The following ZSWIM9 variants were observed in gnomAD, a reference collection of about 807,000 sequenced individuals.
The protein encoded by ZSWIM9 is uncharacterized protein ZSWIM9.
ZSWIM9 carries 11 observed loss-of-function variants against 25.0 expected under a neutral mutation model. That is an observed-to-expected ratio of 0.44 (90% CI 0.28 to 0.73). The LOEUF is 0.73. Ranked by LOEUF, ZSWIM9 falls within the 30% of genes least tolerant of loss-of-function variation. The pLI, the probability that ZSWIM9 is intolerant of heterozygous loss-of-function variation, is 0.16. For missense variants in ZSWIM9, 1,070 were observed against 1,296.5 expected (o/e 0.83, Z 2.68); for synonymous variants, 562 against 582.1 (o/e 0.97, Z 0.50).
intron 3 of ZSWIM9, among the ~76,000 whole-genome samples, chr19:48,185,137 CTTT>C (rs34561252): frequency 5.5e-4 from 68 of 124,286 alleles, no homozygotes; most frequent in Middle Eastern, 4.2e-3. Flanking sequence ...TGCTTTCATA[CTTT>C]TTTTTTTTTT....
chr19:48,183,698 G>A (rs2036979576), intron 3 of ZSWIM9, among the ~76,000 whole-genome samples: 1 of 149,876 alleles, frequency 6.7e-6, no homozygotes, highest in Admixed American at 6.7e-5. Context: ...GTGCAGTGGT[G>A]CAGTCATGGC....
rs2037183967 is a variant in ZSWIM9 at position 48,197,536 on chromosome 19, T to TG, written c.*714dup. The TG allele has an allele frequency of 6.6e-6, 3 of 456,428 alleles. No homozygotes were observed. In the East Asian group the frequency reaches 1.2e-4, roughly 18 times the overall value. The allele number at this position is 456,428 out of a possible 1,614,324, so 28.3% of individuals were successfully genotyped here. On this transcript the variant is annotated 3_prime_UTR_variant, in exon 4 of 4. Coordinates refer to ENST00000614654, the MANE Select transcript of ZSWIM9 (RefSeq NM_199341.4). The stretch of plus-strand genomic sequence containing the variant: ...CTGAAGAGAGAGGGAGGGCGGGCAC[T>TG]GGGGGTCAGGAGAGTCTCCAGCAGG...
rs1568579353 is a variant in ZSWIM9, at chr19:48,187,432, T to TATATTATATATTA, written c.588+4667_588+4668insATTATATATTAAT. Among the ~76,000 whole-genome samples, 252 of 88,218 alleles carry TATATTATATATTA rather than the reference T, an allele frequency of 2.9e-3. 1 individual carries two copies. The highest frequency in any genetic ancestry group is 5.1e-3 in the Middle Eastern group (1 of 196). 57.9% of individuals were successfully genotyped at this position (88,218 alleles called of 152,430 possible). A position where few individuals can be genotyped will look rare whatever the true frequency, so the allele number is the denominator to read the frequency against. ...TATATTATAATTATATATTATATTATATTATATATATTATATATTATATAT... is the reference window on the plus strand; with the variant it reads ...TATATTATAATTATATATTATATTATATATTATATATTAATTATATATATTATATATTATATAT... On this transcript the variant is annotated intron_variant, in intron 3 of 3. Coordinates refer to ENST00000614654, the MANE Select transcript of ZSWIM9 (RefSeq NM_199341.4).
At position 48,197,237 on chromosome 19, in the gene ZSWIM9, G is replaced by C; in HGVS notation, c.*410G>C. The C allele has an allele frequency of 1.4e-6, 1 of 702,530 alleles. No homozygotes were observed. The highest frequency in any genetic ancestry group is 2.6e-6 in the Non-Finnish European group (1 of 384,854). 43.5% of individuals were successfully genotyped at this position (702,530 alleles called of 1,614,324 possible). On this transcript the variant is annotated 3_prime_UTR_variant, in exon 4 of 4. Coordinates refer to ENST00000614654, the MANE Select transcript of ZSWIM9 (RefSeq NM_199341.4). ...GAGTGCAGCGGGGAGAGGGGAAAGG[G>C]AGAAAGTACAGAAGACAGATGAAGG...
rs1188122098 is a variant in ZSWIM9 at position 48,182,438 on chromosome 19, G to C, written c.276-17G>C. ...AGCAGAGTGATGTGACCAGGGCGGT[G>C]GTGGTTCCTCCCACAGGCCTCCCCA... On this transcript the variant is annotated splice_polypyrimidine_tract_variant and intron_variant, in intron 2 of 3. Transcript: ENST00000614654. This position sits in a 1 kb window ranked among gnomAD's most constrained non-coding sequence, Gnocchi z 4.6. 4 of 1,525,854 alleles carry C rather than the reference G, an allele frequency of 2.6e-6. No individual in the cohort carries two copies. The highest frequency in any genetic ancestry group is 3.5e-6 in the Non-Finnish European group (4 of 1,140,100). The allele number at this position is 1,525,854 out of a possible 1,614,324, so 94.5% of individuals were successfully genotyped here. A position where few individuals can be genotyped will look rare whatever the true frequency, so the allele number is the denominator to read the frequency against.
intron 2 of ZSWIM9, among the ~76,000 whole-genome samples, chr19:48,178,505 C>A (rs1389372590): frequency 6.6e-6 from 1 of 152,126 alleles, no homozygotes; most frequent in African/African-American, 2.4e-5. Flanking sequence ...ACATACCAGG[C>A]CCCGGGCAGT....
intron 2 of ZSWIM9, among the ~76,000 whole-genome samples, 196 bp downstream of exon 2, chr19:48,172,273 C>A (rs1015171710): frequency 1.3e-5 from 2 of 151,164 alleles, no homozygotes; most frequent in Non-Finnish European, 2.9e-5. Flanking sequence ...GCTAGAGAGA[C>A]AAAGATACTC....
At chr19:48,185,389 C>T (rs555593644) in intron 3 of ZSWIM9, among the ~76,000 whole-genome samples, 2 of 152,328 alleles carry the variant, frequency 1.3e-5, no homozygotes, top group African/African-American at 4.8e-5. Context: ...CCCGCCTTGG[C>T]CTCCCAAAGT....
Position 48,182,298 on chromosome 19 carries a change from A to C in ZSWIM9, c.276-157A>C. On this transcript the variant is annotated intron_variant, in intron 2 of 3. Transcript: ENST00000614654. This position sits in a 1 kb window ranked among gnomAD's most constrained non-coding sequence, Gnocchi z 4.6. ...AACTGAGGCATAGAGACTTGAAGTGACTTGCCCCAGGTCACACAGCTGGCA... is the reference window on the plus strand; with the variant it reads ...AACTGAGGCATAGAGACTTGAAGTGCCTTGCCCCAGGTCACACAGCTGGCA... The C allele has an allele frequency of 1.6e-6, 1 of 644,598 alleles. No individual in the cohort carries two copies. Among genetic ancestry groups the C allele is most frequent in the Non-Finnish European group, 2.6e-6 (1 of 379,516 alleles). The allele number at this position is 644,598 out of a possible 1,614,324, so 39.9% of individuals were successfully genotyped here.
At chr19:48,170,889 A>G (rs2036786296) in intron 1 of ZSWIM9, among the ~76,000 whole-genome samples, 175 bp downstream of exon 1, 1 of 151,176 alleles carries the variant, frequency 6.6e-6, no homozygotes, top group Non-Finnish European at 1.5e-5. Context: ...TGGGGGGAGC[A>G]TCTGGGGTGA....
chr19:48,181,987 A>G (rs2123245363), intron 2 of ZSWIM9: 2 of 155,376 alleles, frequency 1.3e-5, no homozygotes, highest in South Asian at 4.0e-4. Context: ...CTGTTAGGGC[A>G]GCGTTCACAG....
chr19:48,187,550 A>G (rs12982376), intron 3 of ZSWIM9: 1 of 30,508 alleles, frequency 3.3e-5, no homozygotes, highest in African/African-American at 9.6e-5. Context: ...ATATTATATT[A>G]TATATATTAT....
rs2037172672 is a variant in ZSWIM9 at position 48,196,787 on chromosome 19, A to G, written c.2723A>G (p.Asp908Gly). The stretch of plus-strand genomic sequence containing the variant: ...ACTGGGGCTGCCTTATTCCACATGG[A>G]CCTGCTCAGGGATTGCTGGGGGAGA... Reference protein sequence around the residue: ...LLTGAALFHMDLLRDCWGRAP... With the variant: ...LLTGAALFHMGLLRDCWGRAP... The change falls in exon 4 of 4, where the codon GAC becomes GGC. Residue 908 changes from aspartate to glycine, a missense_variant. By Grantham distance (94) the Asp-to-Gly change is moderately conservative. Transcript: ENST00000614654. 3.2e-6 allele frequency: 4 copies of G among 1,235,062 alleles called. No individual in the cohort carries two copies. Among genetic ancestry groups the G allele is most frequent in the Non-Finnish European group, 4.0e-6 (4 of 990,038 alleles). The allele number at this position is 1,235,062 out of a possible 1,614,324, so 76.5% of individuals were successfully genotyped here.
chr19:48,187,561 A>ATTATTAT (rs1568579793), intron 3 of ZSWIM9: 559 of 23,524 alleles, frequency 0.024, 10 homozygotes, highest in African/African-American at 0.05. Flanking sequence ...TATATATTAT[A>ATTATTAT]TATAATATTA....
intron 2 of ZSWIM9, among the ~76,000 whole-genome samples, chr19:48,177,693 G>A (rs2036907092): frequency 6.6e-6 from 1 of 152,282 alleles, no homozygotes; most frequent in East Asian, 1.9e-4. Context: ...CACCTAGGCT[G>A]AAGGAAGTCA....
chr19:48,182,251 C>A lies in ZSWIM9; in HGVS notation c.276-204C>A, dbSNP rs561062473. The A allele has an allele frequency of 6.8e-6, 4 of 591,812 alleles. No individual in the cohort carries two copies. The highest frequency in any genetic ancestry group is 5.6e-5 in the African/African-American group (3 of 53,674). 36.7% of individuals were successfully genotyped at this position (591,812 alleles called of 1,614,324 possible). The stretch of plus-strand genomic sequence containing the variant: ...TATGAGGAAGGTATGATGAGTAGGA[C>A]CTTCCTTGTAACCTATGAGGAAACT... On this transcript the variant is annotated intron_variant, in intron 2 of 3. Transcript: ENST00000614654. This position sits in a 1 kb window ranked among gnomAD's most constrained non-coding sequence, Gnocchi z 4.6.
intron 2 of ZSWIM9, among the ~76,000 whole-genome samples, chr19:48,175,008 G>C (rs138697835): frequency 1.6e-4 from 24 of 152,284 alleles, no homozygotes; most frequent in African/African-American, 5.3e-4. Context: ...AGGGGGAGAT[G>C]AGAGGAGGAT....
chr19:48,191,092 ATGTGTGTGTGTGTGTG>A (rs940221946), intron 3 of ZSWIM9, among the ~76,000 whole-genome samples: 2 of 96,420 alleles, frequency 2.1e-5, no homozygotes, highest in African/African-American at 5.8e-5. Flanking sequence ...GTGTATGTGT[ATGTGTGTGTGTGTGTG>A]TGTGTGTGTG....
chr19:48,196,615 C>G lies in ZSWIM9; in HGVS notation c.2551C>G (p.Arg851Gly). 11 of 1,232,524 alleles carry G rather than the reference C, an allele frequency of 8.9e-6. No homozygotes were observed. Among genetic ancestry groups the G allele is most frequent in the Non-Finnish European group, 1.0e-5 (10 of 988,282 alleles). 76.3% of individuals were successfully genotyped at this position (1,232,524 alleles called of 1,614,324 possible). ...GGCCTTTGCTAGGCAGCATGGGACC[C>G]GGGGTTTCCACTGGACCGGAGCTGG... ...ELAFARQHGT[R>G]GFHWTGAGFA... is the part of the protein sequence containing the mutation. The change falls in exon 4 of 4, where the codon CGG becomes GGG. Residue 851 changes from arginine to glycine, a missense_variant. Arg to Gly is a moderately radical substitution (Grantham distance 125, BLOSUM62 -2). Transcript: ENST00000614654.
Sources: allele counts gnomAD v4.1 joint callset (sites outside exome capture counted in the v4.1 genomes callset), GRCh38; gene constraint gnomAD v4.1.1; non-coding constraint Gnocchi (gnomAD v3.1); transcripts MANE v1.5; gene names NCBI Gene and HGNC (gene_info 2026-07-23, HGNC 2026-07-21).